CHRM3: variants seen among roughly 807,000 people sequenced by gnomAD.
The protein encoded by CHRM3 is cholinergic receptor muscarinic 3, also known as muscarinic acetylcholine receptor M3.
CHRM3 carries 11 observed loss-of-function variants against 41.8 expected under a neutral mutation model. The ratio of observed to expected loss-of-function variants is 0.26; its 90% CI spans 0.17 to 0.44. CHRM3 has a LOEUF of 0.44. Among genes scored for constraint, CHRM3 ranks in the 20% least tolerant of loss-of-function variants. CHRM3 has a pLI of 1.00. For missense variants in CHRM3, 571 were observed against 745.4 expected, an observed-to-expected ratio of 0.77 and a Z score of 2.72; for synonymous variants, 297 against 301.4, an observed-to-expected ratio of 0.99 and a Z score of 0.15.
chr1:239,744,970 C>T (rs1665219220), intron 5 of CHRM3, among the ~76,000 whole-genome samples: 1 of 151,946 alleles, frequency 6.6e-6, no homozygotes, highest in South Asian at 2.1e-4. Context: ...TGGCTTAGTG[C>T]AAGGACATGG....
Position 239,777,629 on chromosome 1 carries a change from G to A in CHRM3, c.-146-49623G>A, listed in dbSNP as rs114749988. On this transcript the variant is annotated intron_variant, in intron 5 of 6. Coordinates refer to ENST00000676153, the MANE Select transcript of CHRM3 (RefSeq NM_001375978.1). ...GTGGGGGGTGCAGATAATGCACAAA[G>A]GTGAAAAAGCACAGCTTTCTTCTGT... is the stretch of plus-strand genomic sequence containing the variant. Among the ~76,000 whole-genome samples the A allele has an allele frequency of 8.6e-3, 1,314 of 152,206 alleles. 21 individuals carry two copies. The highest frequency in any genetic ancestry group is 0.031 in the African/African-American group (1,272 of 41,524).
intron 1 of CHRM3, among the ~76,000 whole-genome samples, chr1:239,404,413 A>AAGAGAAAGAAAGAAAGAAG (rs1558195765): frequency 1.0e-3 from 50 of 48,650 alleles, no homozygotes; most frequent in African/African-American, 3.8e-3. Context: ...AGAAAGAAAA[A>AAGAGAAAGAAAGAAAGAAG]GAAAGAAAGA....
rs1396607898 is a variant in CHRM3 at position 239,908,484 on chromosome 1, T to C, written c.1033T>C (p.Ser345Pro). The C allele has an allele frequency of 8.1e-6, 13 of 1,608,882 alleles. No individual in the cohort carries two copies. The highest frequency in any genetic ancestry group is 1.1e-5 in the South Asian group (1 of 90,590). Residue 345 changes from serine (S) to proline (P), a missense_variant, in exon 7 of 7, where the codon TCC (serine) becomes CCC (proline). Physicochemically the swap from Ser to Pro is moderately conservative, Grantham distance 74 (BLOSUM62 -1). This residue lies in a region of CHRM3 where 239 missense variants were observed against 239.6 expected (regional missense o/e 1.00). Transcript: ENST00000676153. The surrounding 1 kb of genome is among the most constrained non-coding windows in gnomAD (Gnocchi z 7.2). ...TTGGAACAACAATGATGCTGCTGCC[T>C]CCCTGGAGAACTCCGCCTCCTCCGA... ...DSWNNNDAAASLENSASSDEE... is the reference protein window; with the variant it reads ...DSWNNNDAAAPLENSASSDEE...
rs932539184 is a variant in CHRM3 at position 239,913,020 on chromosome 1, G to A, written c.*3796G>A. On this transcript the variant is annotated 3_prime_UTR_variant, in exon 7 of 7. Transcript: ENST00000676153. ...CTAATTTGCCTTCTGATGCCAAATC[G>A]GTCAAAACTGAGGTCAGCAGCTACC... 8 of 166,950 alleles carry A rather than the reference G, an allele frequency of 4.8e-5. No homozygotes were observed. The East Asian group carries it at 1.2e-3, about 24-fold the overall frequency. 10.3% of individuals were successfully genotyped at this position (166,950 alleles called of 1,614,324 possible). A position where few individuals can be genotyped will look rare whatever the true frequency, so the allele number is the denominator to read the frequency against.
At chr1:239,436,869 C>T (rs572083764) in intron 1 of CHRM3, among the ~76,000 whole-genome samples, 149 of 152,184 alleles carry the variant, frequency 9.8e-4, no homozygotes, top group Admixed American at 1.5e-3. Flanking sequence ...ACTCCGTCTT[C>T]ATGGGGACTG....
chr1:239,851,980 A>G (rs1674735479), intron 6 of CHRM3, among the ~76,000 whole-genome samples: 1 of 152,076 alleles, frequency 6.6e-6, no homozygotes, highest in African/African-American at 2.4e-5. Context: ...TGTTATTTTA[A>G]CAAAATTCCT....
At chr1:239,627,048 G>A (rs1481136830) in intron 3 of CHRM3, among the ~76,000 whole-genome samples, 1 of 136,504 alleles carries the variant, frequency 7.3e-6, no homozygotes, top group African/African-American at 2.7e-5. Flanking sequence ...TTCAATTCCT[G>A]CGTATCCTTG....
intron 3 of CHRM3, among the ~76,000 whole-genome samples, chr1:239,588,335 G>T (rs552528884): frequency 2.0e-5 from 3 of 152,200 alleles, no homozygotes; most frequent in African/African-American, 7.2e-5. Flanking sequence ...TCTCTGTATG[G>T]GGGTATTTTT....
At chr1:239,446,219 G>A (rs531909712) in intron 1 of CHRM3, among the ~76,000 whole-genome samples, 13 of 152,288 alleles carry the variant, frequency 8.5e-5, no homozygotes, top group East Asian at 3.9e-4. Context: ...ACAGGCGTGA[G>A]CCACCATGCC....
chr1:239,648,654 G>T (rs1173370201), intron 4 of CHRM3, among the ~76,000 whole-genome samples: 1 of 152,180 alleles, frequency 6.6e-6, no homozygotes, highest in Non-Finnish European at 1.5e-5. Flanking sequence ...TTCAAACAAT[G>T]ATGTGGGGAA....
At chr1:239,771,962 A>G (rs752541678) in intron 5 of CHRM3, among the ~76,000 whole-genome samples, 24 of 152,252 alleles carry the variant, frequency 1.6e-4, no homozygotes, top group Non-Finnish European at 3.1e-4. Context: ...CTTGGTTAAA[A>G]AGATAGATAC....
At chr1:239,471,931 T>C (rs557240421) in intron 1 of CHRM3, among the ~76,000 whole-genome samples, 1 of 152,262 alleles carries the variant, frequency 6.6e-6, no homozygotes, top group African/African-American at 2.4e-5. Flanking sequence ...CAGGTTATTA[T>C]CCACGTGCTG....
At chr1:239,786,230 A>G (rs1668882502) in intron 5 of CHRM3, among the ~76,000 whole-genome samples, 2 of 152,180 alleles carry the variant, frequency 1.3e-5, no homozygotes. Context: ...TAAAACAAAC[A>G]GCACTCCCCC....
intron 5 of CHRM3, among the ~76,000 whole-genome samples, chr1:239,700,346 C>T (rs771082261): frequency 2.6e-5 from 4 of 152,104 alleles, no homozygotes; most frequent in Non-Finnish European, 5.9e-5. Flanking sequence ...AGCATGAGTA[C>T]GTTCAGTGAC....
At chr1:239,819,980 C>T (rs1671901684) in intron 5 of CHRM3, among the ~76,000 whole-genome samples, 1 of 152,130 alleles carries the variant, frequency 6.6e-6, no homozygotes, top group Non-Finnish European at 1.5e-5. Context: ...AACCTGTGCT[C>T]ACTGGGCAGT....
chr1:239,406,575 A>T (rs758512522), intron 1 of CHRM3, among the ~76,000 whole-genome samples: 1 of 152,208 alleles, frequency 6.6e-6, no homozygotes, highest in Admixed American at 6.5e-5. Flanking sequence ...CCCACTACTG[A>T]GTAGCCCATC....
At chr1:239,493,676 T>G (rs1327676485) in intron 2 of CHRM3, among the ~76,000 whole-genome samples, 1 of 152,170 alleles carries the variant, frequency 6.6e-6, no homozygotes, top group Non-Finnish European at 1.5e-5. Flanking sequence ...AATCCCCTAC[T>G]TGGAACTACC....
intron 1 of CHRM3, among the ~76,000 whole-genome samples, chr1:239,480,819 A>G (rs748320546): frequency 4.6e-5 from 7 of 152,012 alleles, no homozygotes; most frequent in Non-Finnish European, 7.4e-5. Flanking sequence ...CGGCCTCCCA[A>G]AGTGCTGGGA....
rs543450084 is a variant in CHRM3 at position 239,693,200 on chromosome 1, T to C, written c.-147+14912T>C. 1.8e-4 allele frequency among the ~76,000 whole-genome samples: 28 copies of C among 152,278 alleles called. No homozygotes were observed. The South Asian group carries it at 5.6e-3, about 30-fold the overall frequency. ...TAGACTCTCTCCATCCCCTTTTTGTTCATGAAGTTCTAGTAATTCTTAGAC... is the reference window on the plus strand; with the variant it reads ...TAGACTCTCTCCATCCCCTTTTTGTCCATGAAGTTCTAGTAATTCTTAGAC... On this transcript the variant is annotated intron_variant, in intron 5 of 6. Transcript: ENST00000676153.
Sources: gnomAD v4.1 joint callset for allele counts (sites outside exome capture counted in the v4.1 genomes callset) on GRCh38, gnomAD v4.1.1 for gene constraint, gnomAD v4.1.1 regional missense constraint, Gnocchi (gnomAD v3.1) non-coding constraint, MANE v1.5 for transcripts, NCBI Gene and HGNC (gene_info 2026-07-23, HGNC 2026-07-21) for gene names.